The following RAB38 variants were observed in gnomAD, a reference collection of about 807,000 sequenced individuals.
RAB38 encodes ras-related protein Rab-38.
In RAB38, 15 loss-of-function variants were observed where a neutral mutation model predicts 18.4. The ratio of observed to expected loss-of-function variants is 0.82; its 90% confidence interval spans 0.55 to 1.26. RAB38 has a LOEUF of 1.26. Among genes scored for constraint, RAB38 ranks in the 50% most tolerant of loss-of-function variants. RAB38 has a pLI of 0.00. For missense variants in RAB38, 294 were observed against 267.4 expected (o/e 1.10, Z -0.69); for synonymous variants, 101 against 104.4 (o/e 0.97, Z 0.20).
the RAB38 span, among the ~76,000 whole-genome samples, chr11:88,010,043 G>T: frequency 8.0e-4 from 122 of 152,236 alleles, 1 homozygote; most frequent in African/African-American, 2.8e-3. Context: ...TTTTGTGTAT[G>T]AAACAAGGTT....
intron 2 of RAB38, among the ~76,000 whole-genome samples, chr11:88,123,386 G>A (rs570788159): frequency 6.6e-6 from 1 of 152,334 alleles, no homozygotes; most frequent in South Asian, 2.1e-4. Context: ...AGAGTGACCA[G>A]TTCAGCTTTC....
chr11:87,974,979 C>T, the RAB38 span, among the ~76,000 whole-genome samples: 14 of 151,976 alleles, frequency 9.2e-5, no homozygotes, highest in South Asian at 2.1e-4. Flanking sequence ...AAGGTGTTGG[C>T]AGGGTTGCTT....
the RAB38 span, among the ~76,000 whole-genome samples, chr11:88,006,597 A>T: frequency 0.095 from 13,354 of 140,362 alleles, 839 homozygotes; most frequent in South Asian, 0.18. Flanking sequence ...TGTATATAAT[A>T]TATATACACA....
In RAB38 at chr11:88,147,297, C is replaced by CTGAA. The variant is rs544471362; in HGVS notation, c.483+2374_483+2377dup. 1.1e-3 allele frequency among the ~76,000 whole-genome samples: 170 copies of CTGAA among 152,132 alleles called. 3 individuals carry two copies. The highest frequency in any genetic ancestry group is 2.0e-3 in the Non-Finnish European group (133 of 68,000). On this transcript the variant is annotated intron_variant, in intron 2 of 2. Coordinates refer to ENST00000243662, the MANE Select transcript of RAB38 (RefSeq NM_022337.3). Reference sequence around the variant, plus strand: ...ACAGGTATTTGATAATATTTATTGACTGAATGAATGAATGAATGAATAACA... The same window carrying CTGAA: ...ACAGGTATTTGATAATATTTATTGACTGAATGAATGAATGAATGAATGAATAACA...
At chr11:87,968,382 C>T in the RAB38 span, among the ~76,000 whole-genome samples, 5 of 152,166 alleles carry the variant, frequency 3.3e-5, no homozygotes, top group Admixed American at 6.6e-5. Context: ...ACTACATTTC[C>T]CAGCTTCCCT....
intron 2 of RAB38, among the ~76,000 whole-genome samples, chr11:88,119,772 A>G (rs770288287): frequency 1.3e-5 from 2 of 152,100 alleles, no homozygotes; most frequent in African/African-American, 2.4e-5. Context: ...ATCAACCTCA[A>G]ACAAAACACC....
the RAB38 span, among the ~76,000 whole-genome samples, chr11:87,928,648 A>C: frequency 6.6e-6 from 1 of 152,110 alleles, no homozygotes; most frequent in African/African-American, 2.4e-5. Context: ...TAGTTAATAG[A>C]AACATAAAAA....
intron 2 of RAB38, among the ~76,000 whole-genome samples, chr11:88,137,604 G>T (rs961342102): frequency 1.3e-5 from 2 of 152,114 alleles, no homozygotes; most frequent in African/African-American, 4.8e-5. Flanking sequence ...ACCAAACTAG[G>T]AGTTTCATAA....
At chr11:87,933,917 C>T in the RAB38 span, among the ~76,000 whole-genome samples, 1 of 152,036 alleles carries the variant, frequency 6.6e-6, no homozygotes, top group Non-Finnish European at 1.5e-5. Flanking sequence ...AGAGAAAAAC[C>T]TGGAACATGG....
At chr11:87,824,539 C>T in the RAB38 span, among the ~76,000 whole-genome samples, 2 of 152,056 alleles carry the variant, frequency 1.3e-5, no homozygotes, top group African/African-American at 2.4e-5. Context: ...ATTGACAGTT[C>T]GGAGACAGAA....
the RAB38 span, among the ~76,000 whole-genome samples, chr11:88,037,783 G>C: frequency 1.3e-5 from 2 of 152,112 alleles, no homozygotes; most frequent in Non-Finnish European, 2.9e-5. Context: ...TAATAGCTCA[G>C]TATTCCATTG....
At chr11:87,806,859 C>A in the RAB38 span, among the ~76,000 whole-genome samples, 1 of 152,124 alleles carries the variant, frequency 6.6e-6, no homozygotes, top group Admixed American at 6.6e-5. Flanking sequence ...TGAAATCTTA[C>A]AAGGCATTTA....
the RAB38 span, among the ~76,000 whole-genome samples, chr11:87,835,045 T>A: frequency 1.3e-5 from 2 of 152,228 alleles, no homozygotes; most frequent in African/African-American, 4.8e-5. Flanking sequence ...TAGTAAAAAG[T>A]CTTAATTCAA....
At chr11:87,866,799 A>G in the RAB38 span, among the ~76,000 whole-genome samples, 1 of 151,752 alleles carries the variant, frequency 6.6e-6, no homozygotes, top group Non-Finnish European at 1.5e-5. Context: ...CATGCCCAGA[A>G]TGGAAGAGGG....
At chr11:87,954,943 A>C in the RAB38 span, among the ~76,000 whole-genome samples, 5,552 of 152,300 alleles carry the variant, frequency 0.036, 203 homozygotes, top group East Asian at 0.21. Flanking sequence ...AGAGGAAAGA[A>C]TTTCTGATAA....
chr11:87,856,249 C>T, the RAB38 span, among the ~76,000 whole-genome samples: 8,808 of 152,210 alleles, frequency 0.058, 361 homozygotes, highest in Non-Finnish European at 0.083. Flanking sequence ...TGGTCCACTT[C>T]CATGACTGGC....
At chr11:88,011,935 T>C in the RAB38 span, among the ~76,000 whole-genome samples, 6 of 152,184 alleles carry the variant, frequency 3.9e-5, no homozygotes. Flanking sequence ...TTTTGCTCCA[T>C]TCGTGTTGTT....
intron 1 of RAB38, among the ~76,000 whole-genome samples, chr11:88,174,969 G>A (rs920304144): frequency 6.6e-6 from 1 of 152,266 alleles, no homozygotes; most frequent in Non-Finnish European, 1.5e-5. Flanking sequence ...GACTGTGCGG[G>A]AAGGAGCTAA....
the RAB38 span, among the ~76,000 whole-genome samples, chr11:88,036,089 GATT>G: frequency 7.3e-3 from 1,107 of 152,248 alleles, 5 homozygotes; most frequent in Non-Finnish European, 0.012. Flanking sequence ...CTAGAAGCAA[GATT>G]ATGATTATTG....
Sources: gnomAD v4.1 joint callset for allele counts (sites outside exome capture counted in the v4.1 genomes callset) on GRCh38, gnomAD v4.1.1 for gene constraint, MANE v1.5 for transcripts, NCBI Gene and HGNC (gene_info 2026-07-23, HGNC 2026-07-21) for gene names.